The following RALGDS variants were observed in gnomAD, a reference collection of about 807,000 sequenced individuals.
RALGDS encodes the protein ral guanine nucleotide dissociation stimulator.
In RALGDS, 44 loss-of-function variants were observed where a neutral mutation model predicts 99.8. The ratio of observed to expected loss-of-function variants is 0.44; its 90% CI spans 0.35 to 0.57. RALGDS has a LOEUF of 0.57. Ranked by LOEUF, RALGDS falls within the 20% of genes least tolerant of loss-of-function variation. The pLI is 0.01. For synonymous variants in RALGDS, 529 were observed against 505.0 expected, an observed-to-expected ratio of 1.05 and a Z score of -0.64; for missense variants, 1,022 against 1,203.1, an observed-to-expected ratio of 0.85 and a Z score of 2.23.
At chr9:133,140,843 G>C (rs915998275) in intron 1 of RALGDS, among the ~76,000 whole-genome samples, 1 of 151,998 alleles carries the variant, frequency 6.6e-6, no homozygotes, top group African/African-American at 2.4e-5. Flanking sequence ...AAGAACGTGG[G>C]CCGGGGCTGC....
chr9:133,124,233 CACACATAGAGACAG>C (rs1832076840), upstream of RALGDS, among the ~76,000 whole-genome samples: 1 of 151,708 alleles, frequency 6.6e-6, no homozygotes, highest in Admixed American at 6.6e-5. Flanking sequence ...CACACACACA[CACACATAGAGACAG>C]ACACAGAGAC....
chr9:133,115,938 C>A (rs191588583), intron 1 of RALGDS, among the ~76,000 whole-genome samples: 16 of 152,380 alleles, frequency 1.1e-4, no homozygotes, highest in African/African-American at 3.8e-4. Flanking sequence ...TCGCTCTCTA[C>A]AGAGCCCAGG....
intron 1 of RALGDS, among the ~76,000 whole-genome samples, chr9:133,117,535 C>T (rs1831670486): frequency 6.6e-6 from 1 of 152,268 alleles, no homozygotes; most frequent in South Asian, 2.1e-4. Context: ...CATCCCACTG[C>T]CTCCCCCGCC....
chr9:133,142,897 G>T (rs1213117814), intron 1 of RALGDS, among the ~76,000 whole-genome samples: 2 of 152,206 alleles, frequency 1.3e-5, no homozygotes, highest in African/African-American at 4.8e-5. Context: ...CCTGGTGCCT[G>T]GCCCTTCCCA....
intron 1 of RALGDS, among the ~76,000 whole-genome samples, chr9:133,142,129 G>A (rs1029270832): frequency 7.2e-5 from 11 of 152,200 alleles, no homozygotes; most frequent in Admixed American, 5.9e-4. Flanking sequence ...GCTTGATGCC[G>A]GGTGGCTGGC....
intron 1 of RALGDS, among the ~76,000 whole-genome samples, chr9:133,126,680 G>C (rs778790657): frequency 6.6e-6 from 1 of 152,188 alleles, no homozygotes; most frequent in African/African-American, 2.4e-5. Flanking sequence ...GTGACAACCC[G>C]AAGTGGAGGG....
Position 133,103,729 on chromosome 9 carries a change from C to A in RALGDS, c.1758+18G>T. On this transcript the variant is annotated intron_variant, in intron 11 of 17. Transcript: ENST00000372050. ...CTCTCCTCCCGGGCCCTACTCCAGCCCCGCCCGGCACACTCACATACAGAT... is the reference window on the plus strand; with the variant it reads ...CTCTCCTCCCGGGCCCTACTCCAGCACCGCCCGGCACACTCACATACAGAT... The A allele has an allele frequency of 1.2e-6, 2 of 1,612,826 alleles. No individual in the cohort carries two copies. Among genetic ancestry groups the A allele is most frequent in the Non-Finnish European group, 1.7e-6 (2 of 1,179,602 alleles).
intron 17 of RALGDS, 115 bp from the exon 18 acceptor site, chr9:133,098,877 T>TC (rs1328774359): frequency 4.9e-6 from 5 of 1,014,056 alleles, no homozygotes; most frequent in African/African-American, 1.6e-5. Context: ...TCAGATCCCC[T>TC]CCAATACAGC....
intron 8 of RALGDS, 134 bp from the exon 9 acceptor site, chr9:133,106,150 A>C: frequency 1.4e-6 from 1 of 708,040 alleles, no homozygotes; most frequent in Non-Finnish European, 2.5e-6. Flanking sequence ...CAGAGCACTA[A>C]CGCTCTGCAG....
chr9:133,147,800 G>A (rs1489214505), intron 1 of RALGDS, among the ~76,000 whole-genome samples: 1 of 152,224 alleles, frequency 6.6e-6, no homozygotes, highest in Non-Finnish European at 1.5e-5. Context: ...GTCCCAGGGG[G>A]TCAAAGGAGC....
At chr9:133,108,644 C>T (rs750716518) in intron 5 of RALGDS, 29 bp downstream of exon 5, 2 of 1,611,528 alleles carry the variant, frequency 1.2e-6, no homozygotes, top group African/African-American at 2.7e-5. Flanking sequence ...CCTCATTCAC[C>T]CTCTGGCACC....
chr9:133,122,353 A>G (rs1831981234), upstream of RALGDS, among the ~76,000 whole-genome samples: 1 of 152,354 alleles, frequency 6.6e-6, no homozygotes, highest in African/African-American at 2.4e-5. Flanking sequence ...GGAGGCCAGC[A>G]ATTGCTGCCA....
In RALGDS at chr9:133,144,858, G is replaced by C. The variant is rs1025839792; in HGVS notation, c.18+4105C>G. ...GAGATCTTATTTGGAAATAGGGTCT[G>C]TGCGGATAGAATCCGGATGAGGTCA... On this transcript the variant is annotated intron_variant, in intron 1 of 17. Coordinates refer to the RALGDS transcript ENST00000393160. This position sits in a 1 kb window ranked among gnomAD's most constrained non-coding sequence, Gnocchi z 4.5. 2.0e-5 allele frequency among the ~76,000 whole-genome samples: 3 copies of C among 152,262 alleles called. No homozygotes were observed. The highest frequency in any genetic ancestry group is 7.2e-5 in the African/African-American group (3 of 41,468).
At chr9:133,137,732 G>C (rs532655687) in intron 1 of RALGDS, among the ~76,000 whole-genome samples, 208 of 152,314 alleles carry the variant, frequency 1.4e-3, no homozygotes, top group African/African-American at 4.6e-3. Flanking sequence ...CGGTGGAGGC[G>C]GTGGTAGGTG....
At chr9:133,109,533 C>T in intron 4 of RALGDS, 93 bp downstream of exon 4, 1 of 1,197,602 alleles carries the variant, frequency 8.4e-7, no homozygotes, top group South Asian at 1.2e-5. Context: ...CAGGGTTCTG[C>T]CCAGCCAGCC....
intron 1 of RALGDS, among the ~76,000 whole-genome samples, chr9:133,130,321 G>A (rs1393903018): frequency 6.6e-6 from 1 of 152,078 alleles, no homozygotes; most frequent in African/African-American, 2.4e-5. Context: ...TGCCATGTTG[G>A]CCAGGCTGGT....
At chr9:133,101,286 C>T (rs886824467) in intron 16 of RALGDS, 6 of 1,370,262 alleles carry the variant, frequency 4.4e-6, no homozygotes, top group South Asian at 1.3e-5. Context: ...ACCTCCCCTA[C>T]AGCACCGCCC....
chr9:133,148,838 G>A (rs1463545960), intron 1 of RALGDS: 3 of 1,225,972 alleles, frequency 2.4e-6, no homozygotes, highest in Non-Finnish European at 3.4e-6. Flanking sequence ...GGTTGGACGC[G>A]GAGCTGCGTA....
At chr9:133,104,171 G>C (rs1830902401) in intron 10 of RALGDS, 92 bp downstream of exon 10, 4 of 1,343,884 alleles carry the variant, frequency 3.0e-6, no homozygotes, top group East Asian at 4.6e-5. Context: ...ACCTCTAATG[G>C]GGCCCATAGG....
Sources: gnomAD v4.1 joint callset for allele counts (sites outside exome capture counted in the v4.1 genomes callset) on GRCh38, gnomAD v4.1.1 for gene constraint, Gnocchi (gnomAD v3.1) non-coding constraint, MANE v1.5 for transcripts, NCBI Gene and HGNC (gene_info 2026-07-23, HGNC 2026-07-21) for gene names.